The following ROBO1 variants were observed in gnomAD, a reference collection of about 807,000 sequenced individuals.
ROBO1 encodes roundabout guidance receptor 1.
ROBO1 carries 149 observed loss-of-function variants against 195.9 expected under a neutral mutation model. The ratio of observed to expected loss-of-function variants is 0.76; its 90% CI spans 0.67 to 0.87. The LOEUF (loss-of-function observed/expected upper bound fraction) is 0.87. Among genes scored for constraint, ROBO1 ranks in the 40% least tolerant of loss-of-function variants. ROBO1 has a pLI of 0.00. For missense variants in ROBO1, 1,933 were observed against 2,068.3 expected (o/e 0.93, Z 1.27); for synonymous variants, 816 against 733.2 (o/e 1.11, Z -1.82).
chr3:79,482,483 C>T (rs1223239835), intron 2 of ROBO1, among the ~76,000 whole-genome samples: 1 of 152,094 alleles, frequency 6.6e-6, no homozygotes, highest in Non-Finnish European at 1.5e-5. Context: ...TTCTCTCTTG[C>T]CTGCTGCCAT....
chr3:78,821,252 G>A (rs1422293401), intron 4 of ROBO1, among the ~76,000 whole-genome samples: 1 of 144,992 alleles, frequency 6.9e-6, no homozygotes, highest in East Asian at 2.0e-4. Flanking sequence ...TGCAGCCTCT[G>A]CCTCCTGGGC....
Position 78,886,772 on chromosome 3 carries a change from T to C in ROBO1, c.499+51829A>G, listed in dbSNP as rs575050047. Among the ~76,000 whole-genome samples the C allele has an allele frequency of 3.9e-5, 6 of 152,254 alleles. No homozygotes were observed. The East Asian group carries it at 1.2e-3, about 29-fold the overall frequency. ...ATTGAAATAATACATATTATATGAT[T>C]ATACTTATACAAAGATAAAAAACCA... is the stretch of plus-strand genomic sequence containing the variant. On this transcript the variant is annotated intron_variant, in intron 4 of 30. Coordinates refer to ENST00000464233, the MANE Select transcript of ROBO1 (RefSeq NM_002941.4).
At chr3:78,965,720 T>A (rs1229863350) in intron 3 of ROBO1, among the ~76,000 whole-genome samples, 1 of 152,160 alleles carries the variant, frequency 6.6e-6, no homozygotes, top group Non-Finnish European at 1.5e-5. Context: ...CATAAAACAG[T>A]AGTATTTAAT....
At position 78,744,545 on chromosome 3, in the gene ROBO1, T is replaced by A. The variant is rs538730536; in HGVS notation, c.657+2198A>T. On this transcript the variant is annotated intron_variant, in intron 5 of 30. Transcript: ENST00000464233. ...TTAAAAAGGCTACCCCCTGATTGTA[T>A]CTCCTATAAATCTTTACTCATTCTG... Among the ~76,000 whole-genome samples, 3 of 152,344 alleles carry A rather than the reference T, an allele frequency of 2.0e-5. No homozygotes were observed. In the East Asian group the frequency reaches 5.8e-4, roughly 29 times the overall value.
At chr3:79,597,305 T>C (rs1944206236) in intron 1 of ROBO1, among the ~76,000 whole-genome samples, 2 of 151,938 alleles carry the variant, frequency 1.3e-5, no homozygotes. Flanking sequence ...GCCAAAAGGG[T>C]ATAATACCTT....
At chr3:78,615,205 A>G (rs1704042634) in intron 27 of ROBO1, among the ~76,000 whole-genome samples, 1 of 152,246 alleles carries the variant, frequency 6.6e-6, no homozygotes, top group Admixed American at 6.5e-5. Context: ...TAAAGTTCTT[A>G]AGAAATTCAT....
At chr3:79,368,991 A>G (rs939413991) in intron 2 of ROBO1, among the ~76,000 whole-genome samples, 1 of 152,202 alleles carries the variant, frequency 6.6e-6, no homozygotes, top group African/African-American at 2.4e-5. Context: ...GTATGCACAA[A>G]TTTGCAAAGA....
chr3:79,749,136 C>T (rs1005368155), intron 1 of ROBO1, among the ~76,000 whole-genome samples: 1 of 152,066 alleles, frequency 6.6e-6, no homozygotes, highest in African/African-American at 2.4e-5. Context: ...AAGGTGTTCT[C>T]AGATGGAGAT....
At chr3:79,369,157 C>A (rs1317289254) in intron 2 of ROBO1, among the ~76,000 whole-genome samples, 55 of 152,126 alleles carry the variant, frequency 3.6e-4, no homozygotes. Flanking sequence ...AATGAACAAT[C>A]TTAAACCAGT....
chr3:79,170,162 A>T (rs1464587304), intron 2 of ROBO1, among the ~76,000 whole-genome samples: 1 of 152,046 alleles, frequency 6.6e-6, no homozygotes, highest in Non-Finnish European at 1.5e-5. Flanking sequence ...GCTCAGGGCC[A>T]TTGTGCCAAT....
chr3:79,374,119 T>G (rs961674679), intron 2 of ROBO1, among the ~76,000 whole-genome samples: 4 of 152,174 alleles, frequency 2.6e-5, no homozygotes, highest in African/African-American at 9.6e-5. Flanking sequence ...GAGCAAAAGA[T>G]AAAGTATCAG....
chr3:78,619,229 T>C (rs1453507863), intron 26 of ROBO1, among the ~76,000 whole-genome samples: 1 of 151,980 alleles, frequency 6.6e-6, no homozygotes, highest in Non-Finnish European at 1.5e-5. Context: ...GAGGATAGAT[T>C]CTACACAAGC....
Position 79,689,502 on chromosome 3 carries a change from G to C in ROBO1, c.-51+78250C>G, listed in dbSNP as rs182457695. 2.0e-5 allele frequency among the ~76,000 whole-genome samples: 3 copies of C among 152,010 alleles called. No individual in the cohort carries two copies. The East Asian group carries it at 5.8e-4, about 30-fold the overall frequency. On this transcript the variant is annotated intron_variant, in intron 1 of 30. Coordinates refer to ENST00000464233, the MANE Select transcript of ROBO1 (RefSeq NM_002941.4). ...CGAGGCTGCTTTAAGAATTAAGTGAGATATATGGTACATCTGTAGGAGCAC... is the reference window on the plus strand; with the variant it reads ...CGAGGCTGCTTTAAGAATTAAGTGACATATATGGTACATCTGTAGGAGCAC...
At chr3:79,526,748 T>C (rs1306082341) in intron 2 of ROBO1, among the ~76,000 whole-genome samples, 1 of 152,164 alleles carries the variant, frequency 6.6e-6, no homozygotes, top group Non-Finnish European at 1.5e-5. Context: ...TTTTTCGACT[T>C]TTAAGGGCTT....
intron 10 of ROBO1, among the ~76,000 whole-genome samples, chr3:78,675,503 C>G (rs1272456928): frequency 6.6e-6 from 1 of 152,156 alleles, no homozygotes; most frequent in African/African-American, 2.4e-5. Flanking sequence ...AAACGGCGCA[C>G]CAGGAGATTA....
At chr3:79,567,968 T>C (rs1559999651) in intron 2 of ROBO1, among the ~76,000 whole-genome samples, 1 of 152,138 alleles carries the variant, frequency 6.6e-6, no homozygotes, top group East Asian at 1.9e-4. Flanking sequence ...CTTTCTTAGA[T>C]ATGTTTTCTA....
At chr3:79,358,435 C>T (rs2035643304) in intron 2 of ROBO1, among the ~76,000 whole-genome samples, 1 of 151,950 alleles carries the variant, frequency 6.6e-6, no homozygotes, top group Admixed American at 6.6e-5. Context: ...CGTTGATATC[C>T]TGAGAAGCTA....
At chr3:79,223,793 G>A (rs1214936717) in intron 2 of ROBO1, among the ~76,000 whole-genome samples, 2 of 152,104 alleles carry the variant, frequency 1.3e-5, no homozygotes, top group Non-Finnish European at 2.9e-5. Context: ...TTTTGACATC[G>A]CTGTACTCTC....
chr3:78,813,067 A>G (rs916639849), intron 4 of ROBO1, among the ~76,000 whole-genome samples: 5 of 152,126 alleles, frequency 3.3e-5, no homozygotes, highest in Admixed American at 1.3e-4. Flanking sequence ...GAACTATTCC[A>G]GATATCGACA....
Sources: allele counts gnomAD v4.1 joint callset (sites outside exome capture counted in the v4.1 genomes callset), GRCh38; gene constraint gnomAD v4.1.1; transcripts MANE v1.5; gene names NCBI Gene and HGNC (gene_info 2026-07-23, HGNC 2026-07-21).